The following GANC variants were observed in gnomAD, a reference collection of about 807,000 sequenced individuals.
GANC encodes glucosidase alpha, neutral C, also known as neutral alpha-glucosidase C.
In GANC, 117 loss-of-function variants were observed where a neutral mutation model predicts 124.2. The ratio of observed to expected loss-of-function variants is 0.94; its 90% confidence interval spans 0.81 to 1.10. GANC has a LOEUF of 1.10. Ranked by LOEUF, GANC falls within the 50% of genes least tolerant of loss-of-function variation. The probability of loss-of-function intolerance (pLI) is 0.00; values close to 1 mark genes in which losing one functional copy is unlikely to be tolerated. For missense variants in GANC, 1,140 were observed against 1,095.0 expected, an observed-to-expected ratio of 1.04 and a Z score of -0.58; for synonymous variants, 377 against 376.8, an observed-to-expected ratio of 1.00 and a Z score of -0.01.
rs1482349880 is a variant in GANC, at chr15:42,305,579, A to C, written c.559-967A>C. Among the ~76,000 whole-genome samples, 3 of 152,376 alleles carry C rather than the reference A, an allele frequency of 2.0e-5. No homozygotes were observed. The East Asian group carries it at 5.8e-4, about 29-fold the overall frequency. On this transcript the variant is annotated intron_variant, in intron 6 of 23. Transcript: ENST00000318010. Reference sequence around the variant, plus strand: ...TAGAACCAGAAATACCATCGGACCCAGCCATCCCATTACTGGGTATATTTC... The same window carrying C: ...TAGAACCAGAAATACCATCGGACCCCGCCATCCCATTACTGGGTATATTTC...
At chr15:42,328,765 A>G (rs2052216790) in intron 13 of GANC, among the ~76,000 whole-genome samples, 1 of 152,244 alleles carries the variant, frequency 6.6e-6, no homozygotes, top group African/African-American at 2.4e-5. Context: ...CATGTTAGCT[A>G]GATGACTCAA....
In GANC at chr15:42,351,437, G is replaced by C. The variant is rs1468769133; in HGVS notation, c.2635+5G>C. 1 of 1,594,758 alleles carries C rather than the reference G, an allele frequency of 6.3e-7. No individual in the cohort carries two copies. The highest frequency in any genetic ancestry group is 1.7e-5 in the Admixed American group (1 of 60,004). On this transcript the variant is annotated splice_donor_5th_base_variant and intron_variant, in intron 23 of 23. Coordinates refer to ENST00000318010, the MANE Select transcript of GANC (RefSeq NM_198141.3). Reference sequence around the variant, plus strand: ...CTGTGACTACCCACTCATCTGGTGAGAAAGCAGTCCATTCTTACCTCACCA... The same window carrying C: ...CTGTGACTACCCACTCATCTGGTGACAAAGCAGTCCATTCTTACCTCACCA...
At chr15:42,351,887 A>G in intron 23 of GANC, 143 bp from the exon 24 acceptor site, 1 of 1,018,870 alleles carries the variant, frequency 9.8e-7, no homozygotes, top group Non-Finnish European at 1.4e-6. Flanking sequence ...ACTTCATGGA[A>G]GTTCATGGGT....
Position 42,329,451 on chromosome 15 carries a change from T to C in GANC, c.1644+2T>C, listed in dbSNP as rs1179243992. ...CACAACATCTACGGTTTTTATCATG[T>C]AAGACATCCAAAAAGAATTAAACTG... On this transcript the variant is annotated splice_donor_variant, in intron 14 of 23. Transcript: ENST00000318010. LOFTEE classifies it high-confidence loss of function. The C allele has an allele frequency of 6.2e-7, 1 of 1,604,168 alleles. No individual in the cohort carries two copies. The highest frequency in any genetic ancestry group is 1.7e-5 in the Admixed American group (1 of 57,432).
Position 42,340,719 on chromosome 15 carries a change from T to C in GANC, c.2117T>C (p.Leu706Pro). The C allele has an allele frequency of 6.2e-7, 1 of 1,605,198 alleles. No homozygotes were observed. The highest frequency in any genetic ancestry group is 1.1e-5 in the South Asian group (1 of 89,826). The change falls in exon 18 of 24, where the codon CTA (leucine) becomes CCA (proline). Residue 706 changes from leucine to proline, a missense_variant. Transcript: ENST00000318010. Reference sequence around the variant, plus strand: ...CTGTGGGTAGAGTTCCCTGATGAACTAAAGACTTTTGATATGGAAGATGAA... The same window carrying C: ...CTGTGGGTAGAGTTCCCTGATGAACCAAAGACTTTTGATATGGAAGATGAA... ...RPLWVEFPDE[L>P]KTFDMEDEYM...
At chr15:42,328,749 C>T (rs1305294150) in intron 13 of GANC, among the ~76,000 whole-genome samples, 1 of 152,202 alleles carries the variant, frequency 6.6e-6, no homozygotes, top group East Asian at 1.9e-4. Flanking sequence ...AGGGATTCTA[C>T]AATACCATGT....
chr15:42,324,423 A>T (rs1281600491), intron 11 of GANC, among the ~76,000 whole-genome samples: 1 of 152,174 alleles, frequency 6.6e-6, no homozygotes, highest in Non-Finnish European at 1.5e-5. Flanking sequence ...CAGCAATTCC[A>T]CTTGTGGGTA....
At chr15:42,333,397 A>G (rs1318425894) in intron 15 of GANC, among the ~76,000 whole-genome samples, 1 of 152,190 alleles carries the variant, frequency 6.6e-6, no homozygotes, top group Non-Finnish European at 1.5e-5. Flanking sequence ...ATTAAAACAA[A>G]AATAGCTACC....
In GANC at chr15:42,274,222, A is replaced by G. The variant is rs2051626157; in HGVS notation, c.-260A>G. 5 of 465,510 alleles carry G rather than the reference A, an allele frequency of 1.1e-5. No individual in the cohort carries two copies. The highest frequency in any genetic ancestry group is 2.2e-5 in the South Asian group (1 of 44,616). The allele number at this position is 465,510 out of a possible 1,614,324, so 28.8% of individuals were successfully genotyped here. ...CCCAGTTTCGGTTCCTAACAAAAGC[A>G]CGTTCCTCATCAGCCACCCATAATC... is the stretch of plus-strand genomic sequence containing the variant. On this transcript the variant is annotated 5_prime_UTR_variant, in exon 1 of 24. Transcript: ENST00000318010.
At chr15:42,300,518 T>A (rs908397687) in intron 6 of GANC, among the ~76,000 whole-genome samples, 1 of 152,094 alleles carries the variant, frequency 6.6e-6, no homozygotes. Flanking sequence ...TGTAAATTAG[T>A]CCATTGTGGA....
chr15:42,315,952 C>T (rs573055314), intron 10 of GANC, among the ~76,000 whole-genome samples: 3 of 152,150 alleles, frequency 2.0e-5, no homozygotes, highest in East Asian at 3.9e-4. Flanking sequence ...GAGCCAGTTA[C>T]TTTAAATAAA....
At chr15:42,326,564 T>G (rs1051372865) in intron 12 of GANC, 140 bp downstream of exon 12, 23 of 1,379,054 alleles carry the variant, frequency 1.7e-5, no homozygotes, top group Admixed American at 1.1e-4. Context: ...AATGAAGAGA[T>G]AGGTTTGCCT....
chr15:42,317,509 CATTGA>C (rs765935393), intron 10 of GANC, among the ~76,000 whole-genome samples: 91 of 152,060 alleles, frequency 6.0e-4, no homozygotes, highest in Non-Finnish European at 9.9e-4. Flanking sequence ...TAATTAATGC[CATTGA>C]ATTGGACACT....
chr15:42,313,816 C>A, intron 10 of GANC: 1 of 510,996 alleles, frequency 2.0e-6, no homozygotes, highest in South Asian at 2.3e-5. Context: ...GCCTGTAATC[C>A]CAGTGCTTTG....
intron 15 of GANC, among the ~76,000 whole-genome samples, chr15:42,333,884 G>A (rs1447750747): frequency 1.3e-5 from 2 of 152,120 alleles, no homozygotes; most frequent in Non-Finnish European, 2.9e-5. Flanking sequence ...TGGTGGAGGT[G>A]GGAGGAAATA....
intron 20 of GANC, among the ~76,000 whole-genome samples, chr15:42,346,235 A>C (rs2141080601): frequency 6.6e-6 from 1 of 152,198 alleles, no homozygotes; most frequent in East Asian, 1.9e-4. Flanking sequence ...GGACATACAA[A>C]CATTCAGTCC....
At chr15:42,307,136 A>C (rs559492353) in intron 7 of GANC, among the ~76,000 whole-genome samples, 5 of 152,150 alleles carry the variant, frequency 3.3e-5, no homozygotes, top group African/African-American at 7.2e-5. Context: ...GGGCTTATGC[A>C]GTTAGAAAAA....
At chr15:42,340,785 G>A in intron 18 of GANC, 31 bp downstream of exon 18, 1 of 705,134 alleles carries the variant, frequency 1.4e-6, no homozygotes, top group Non-Finnish European at 1.9e-6. Flanking sequence ...TTTTTTTTTT[G>A]AGACGGAGTC....
chr15:42,328,493 A>G (rs1183080209), intron 13 of GANC, among the ~76,000 whole-genome samples: 20 of 150,568 alleles, frequency 1.3e-4, no homozygotes, highest in Admixed American at 1.2e-3. Flanking sequence ...ACACATGTTT[A>G]GAAATAAAGA....
Sources: allele counts gnomAD v4.1 joint callset (sites outside exome capture counted in the v4.1 genomes callset), GRCh38; gene constraint gnomAD v4.1.1; transcripts MANE v1.5; gene names NCBI Gene and HGNC (gene_info 2026-07-23, HGNC 2026-07-21).